Variants in ZMAT3 observed in about 807,000 individuals in gnomAD.
The protein encoded by ZMAT3 is zinc finger matrin-type protein 3.
Under a neutral mutation model 32.3 loss-of-function variants are expected in ZMAT3, and 17 were observed. That is an observed-to-expected ratio of 0.53 (90% CI 0.36 to 0.79). ZMAT3 has a LOEUF of 0.79. Among genes scored for constraint, ZMAT3 ranks in the 30% least tolerant of loss-of-function variants. ZMAT3 has a pLI of 0.00. For missense variants in ZMAT3, 329 were observed against 359.7 expected, an observed-to-expected ratio of 0.91 and a Z score of 0.69; for synonymous variants, 120 against 133.1, an observed-to-expected ratio of 0.90 and a Z score of 0.68.
At chr3:179,054,760 G>A (rs894169589) in intron 2 of ZMAT3, among the ~76,000 whole-genome samples, 1 of 152,232 alleles carries the variant, frequency 6.6e-6, no homozygotes, top group East Asian at 1.9e-4. Flanking sequence ...ACCCGCCGGC[G>A]ACTTCCATGC....
intron 2 of ZMAT3, among the ~76,000 whole-genome samples, chr3:179,044,676 T>C (rs1014795606): frequency 6.6e-5 from 10 of 152,004 alleles, no homozygotes; most frequent in Non-Finnish European, 1.2e-4. Flanking sequence ...GTGACACATA[T>C]ACACCATGGA....
At position 179,017,683 on chromosome 3, in the gene ZMAT3, C is replaced by T. The variant is rs1358380518; in HGVS notation, c.*7334G>A. ...TAGCAAAAGCAGTTTTAAAAGTTTGCCATGCCATTCAATAAAGGGTTCTAA... is the reference window on the plus strand; with the variant it reads ...TAGCAAAAGCAGTTTTAAAAGTTTGTCATGCCATTCAATAAAGGGTTCTAA... On this transcript the variant is annotated 3_prime_UTR_variant, in exon 6 of 6. Transcript: ENST00000311417. 4 of 152,132 alleles carry T rather than the reference C, an allele frequency of 2.6e-5. No homozygotes were observed. Among genetic ancestry groups the T allele is most frequent in the Non-Finnish European group, 4.4e-5 (3 of 68,026 alleles). 9.4% of individuals were successfully genotyped at this position (152,132 alleles called of 1,614,324 possible). A position where few individuals can be genotyped will look rare whatever the true frequency, so the allele number is the denominator to read the frequency against.
chr3:179,060,369 T>C (rs1185534037), intron 2 of ZMAT3, among the ~76,000 whole-genome samples: 1 of 151,668 alleles, frequency 6.6e-6, no homozygotes, highest in Non-Finnish European at 1.5e-5. Flanking sequence ...ATCTGGAGAA[T>C]AGTGACTAAG....
At chr3:179,057,164 A>G (rs1044965431) in intron 2 of ZMAT3, among the ~76,000 whole-genome samples, 1 of 152,204 alleles carries the variant, frequency 6.6e-6, no homozygotes, top group Non-Finnish European at 1.5e-5. Flanking sequence ...AAACCATGCA[A>G]TAGCCCCTGC....
In ZMAT3 at chr3:179,046,194, A is replaced by G. The variant is rs746486687; in HGVS notation, c.271-15195T>C. ...TACAGGAGCTGAAGAGCATGACTAC[A>G]GGAACACAGTCCATGAAAAGGCAGA... On this transcript the variant is annotated intron_variant, in intron 2 of 5. Coordinates refer to ENST00000311417, the MANE Select transcript of ZMAT3 (RefSeq NM_022470.4). The surrounding 1 kb of genome is among the most constrained non-coding windows in gnomAD (Gnocchi z 4.3). Among the ~76,000 whole-genome samples the G allele has an allele frequency of 1.3e-5, 2 of 152,220 alleles. No individual in the cohort carries two copies. Among genetic ancestry groups the G allele is most frequent in the African/African-American group, 4.8e-5 (2 of 41,452 alleles).
At chr3:179,025,321 A>T (rs1718810004) in intron 5 of ZMAT3, 93 bp from the exon 6 acceptor site, 10 of 1,065,256 alleles carry the variant, frequency 9.4e-6, no homozygotes, top group Non-Finnish European at 1.2e-5. Flanking sequence ...TTCTAAGTTC[A>T]AATTATAAAA....
At chr3:179,060,649 T>C (rs1721107589) in intron 2 of ZMAT3, among the ~76,000 whole-genome samples, 1 of 151,868 alleles carries the variant, frequency 6.6e-6, no homozygotes, top group Admixed American at 6.6e-5. Flanking sequence ...GTCTCAAAAA[T>C]ATATATATTT....
intron 2 of ZMAT3, among the ~76,000 whole-genome samples, chr3:179,053,278 T>TA (rs953664082): frequency 6.6e-6 from 1 of 150,396 alleles, no homozygotes; most frequent in Admixed American, 6.6e-5. Flanking sequence ...AGAGATAATT[T>TA]ATATCTATAG....
rs1222075976 is a variant in ZMAT3 at position 179,019,749 on chromosome 3, T to C, written c.*5268A>G. 1 of 152,070 alleles carries C rather than the reference T, an allele frequency of 6.6e-6. No homozygotes were observed. The highest frequency in any genetic ancestry group is 2.4e-5 in the African/African-American group (1 of 41,346). The allele number at this position is 152,070 out of a possible 1,614,324, so 9.4% of individuals were successfully genotyped here. ...AAACCTGATTTGTGAAGATGCTTCA[T>C]TTAATATAGAAATGAACTAACACAA... On this transcript the variant is annotated 3_prime_UTR_variant, in exon 6 of 6. Coordinates refer to ENST00000311417, the MANE Select transcript of ZMAT3 (RefSeq NM_022470.4).
chr3:179,065,535 G>A (rs144279946), intron 2 of ZMAT3, among the ~76,000 whole-genome samples: 13 of 152,150 alleles, frequency 8.5e-5, no homozygotes, highest in African/African-American at 2.2e-4. Flanking sequence ...AAGTCAAAAA[G>A]TTTTATTAGG....
chr3:179,065,124 AC>A (rs1015255815), intron 2 of ZMAT3, among the ~76,000 whole-genome samples: 1 of 151,902 alleles, frequency 6.6e-6, no homozygotes, highest in African/African-American at 2.4e-5. Context: ...TTATACCCAA[AC>A]TTTTCATTTT....
chr3:179,045,529 A>T (rs1031996347), intron 2 of ZMAT3, among the ~76,000 whole-genome samples: 4 of 152,230 alleles, frequency 2.6e-5, no homozygotes, highest in African/African-American at 9.6e-5. Context: ...AGCAAATTGC[A>T]AAAGAAGATA....
intron 2 of ZMAT3, among the ~76,000 whole-genome samples, chr3:179,055,709 A>C (rs1056931704): frequency 2.0e-5 from 3 of 152,164 alleles, no homozygotes; most frequent in Non-Finnish European, 4.4e-5. Context: ...GATAACCCTG[A>C]CGGCTATATT....
chr3:179,053,458 G>A (rs1328154965), intron 2 of ZMAT3, among the ~76,000 whole-genome samples: 1 of 152,120 alleles, frequency 6.6e-6, no homozygotes, highest in Non-Finnish European at 1.5e-5. Flanking sequence ...AAATGCCACA[G>A]TAATAATTAT....
chr3:179,030,497 G>A (rs1719122151), intron 3 of ZMAT3, among the ~76,000 whole-genome samples: 1 of 151,926 alleles, frequency 6.6e-6, no homozygotes, highest in South Asian at 2.1e-4. Context: ...TGGGACTACA[G>A]GTGCCCGCCA....
intron 2 of ZMAT3, among the ~76,000 whole-genome samples, chr3:179,057,336 G>A (rs975369480): frequency 6.6e-6 from 1 of 151,544 alleles, no homozygotes; most frequent in Non-Finnish European, 1.5e-5. Context: ...TTACAGTCCT[G>A]GACCTTAAGG....
intron 3 of ZMAT3, among the ~76,000 whole-genome samples, chr3:179,028,021 C>T (rs1718974522): frequency 6.6e-6 from 1 of 152,140 alleles, no homozygotes; most frequent in Non-Finnish European, 1.5e-5. Context: ...CACTTAGGTA[C>T]CAAATTAGTG....
At chr3:179,051,409 A>AAAAAT (rs1057386433) in intron 2 of ZMAT3, among the ~76,000 whole-genome samples, 2 of 152,164 alleles carry the variant, frequency 1.3e-5, no homozygotes, top group African/African-American at 4.8e-5. Flanking sequence ...TACCTACAAA[A>AAAAAT]AAAATAAAAT....
intron 2 of ZMAT3, among the ~76,000 whole-genome samples, chr3:179,031,285 T>G (rs981674563): frequency 6.6e-6 from 1 of 151,850 alleles, no homozygotes; most frequent in African/African-American, 2.4e-5. Flanking sequence ...ATATCACGGT[T>G]TTAGGCTTCT....
Sources: gnomAD v4.1 joint callset for allele counts (sites outside exome capture counted in the v4.1 genomes callset) on GRCh38, gnomAD v4.1.1 for gene constraint, Gnocchi (gnomAD v3.1) non-coding constraint, MANE v1.5 for transcripts, NCBI Gene and HGNC (gene_info 2026-07-23, HGNC 2026-07-21) for gene names.